The following SUCLG2 variants were observed in gnomAD, a reference collection of about 807,000 sequenced individuals.
SUCLG2 encodes the protein succinate-CoA ligase GDP-forming subunit beta.
Under a neutral mutation model 47.9 loss-of-function variants are expected in SUCLG2, and 42 were observed. The observed-to-expected ratio is 0.88, with a 90% CI of 0.69 to 1.14. The LOEUF is 1.14. Among genes scored for constraint, SUCLG2 ranks in the 50% most tolerant of loss-of-function variants. The pLI is 0.00. For synonymous variants in SUCLG2, 195 were observed against 197.3 expected, an observed-to-expected ratio of 0.99 and a Z score of 0.10; for missense variants, 571 against 525.9, an observed-to-expected ratio of 1.09 and a Z score of -0.84.
intron 2 of SUCLG2, among the ~76,000 whole-genome samples, chr3:67,532,285 G>A (rs1706424468): frequency 1.3e-5 from 2 of 152,108 alleles, no homozygotes; most frequent in Admixed American, 6.6e-5. Context: ...ACAGGCACAT[G>A]CCACCATGCC....
chr3:67,431,414 TA>T (rs796213542), intron 9 of SUCLG2, among the ~76,000 whole-genome samples: 2 of 152,286 alleles, frequency 1.3e-5, no homozygotes, highest in African/African-American at 4.8e-5. Flanking sequence ...CCCTTCATGC[TA>T]AAAACTCTCA....
chr3:67,643,256 C>G (rs930209219), intron 1 of SUCLG2, among the ~76,000 whole-genome samples: 1 of 152,214 alleles, frequency 6.6e-6, no homozygotes, highest in Non-Finnish European at 1.5e-5. Flanking sequence ...ACTACAACGA[C>G]TACGACCGCC....
At chr3:67,469,856 A>G (rs1575717719) in intron 9 of SUCLG2, among the ~76,000 whole-genome samples, 3 of 149,126 alleles carry the variant, frequency 2.0e-5, no homozygotes, top group East Asian at 2.0e-4. Context: ...GACCAGCCTG[A>G]CCAACATGGT....
chr3:67,442,256 C>A (rs933783842), intron 9 of SUCLG2, among the ~76,000 whole-genome samples: 1 of 152,062 alleles, frequency 6.6e-6, no homozygotes, highest in Admixed American at 6.5e-5. Context: ...GTGATCCGCC[C>A]GCCTCGGCCT....
intron 9 of SUCLG2, among the ~76,000 whole-genome samples, chr3:67,453,933 G>A (rs1704118517): frequency 6.6e-6 from 1 of 152,342 alleles, no homozygotes; most frequent in African/African-American, 2.4e-5. Flanking sequence ...CCCCAAGGTT[G>A]TCGTTGTCGT....
intron 1 of SUCLG2, among the ~76,000 whole-genome samples, chr3:67,634,850 G>C (rs942400094): frequency 1.3e-5 from 2 of 152,156 alleles, no homozygotes; most frequent in Non-Finnish European, 2.9e-5. Context: ...CCACATGTTT[G>C]AGAATGTGCA....
chr3:67,367,052 A>G (rs1407397597), intron 10 of SUCLG2, among the ~76,000 whole-genome samples: 1 of 152,226 alleles, frequency 6.6e-6, no homozygotes, highest in Non-Finnish European at 1.5e-5. Context: ...CATATTATAG[A>G]AAAAATTAAG....
chr3:67,538,098 G>T (rs1706596674), intron 2 of SUCLG2, among the ~76,000 whole-genome samples: 1 of 152,028 alleles, frequency 6.6e-6, no homozygotes, highest in South Asian at 2.1e-4. Flanking sequence ...TTCAATTTTG[G>T]CTTTTGTTGC....
At chr3:67,487,497 T>TACACACAC (rs780375893) in intron 9 of SUCLG2, among the ~76,000 whole-genome samples, 2,782 of 55,026 alleles carry the variant, frequency 0.051, 37 homozygotes, top group Middle Eastern at 0.073. Flanking sequence ...CAAACACACA[T>TACACACAC]ATACACACAC....
In SUCLG2 at chr3:67,383,361, C is replaced by T. The variant is rs571338260; in HGVS notation, c.1184-7502G>A. Among the ~76,000 whole-genome samples the T allele has an allele frequency of 1.5e-3, 236 of 152,266 alleles. 1 individual carries two copies. The highest frequency in any genetic ancestry group is 4.5e-3 in the Admixed American group (69 of 15,294). On this transcript the variant is annotated intron_variant, in intron 10 of 10. Transcript: ENST00000307227. ...GTTCTGTTCCCAAGTAGCTGAACAA[C>T]CTGGGGAAGTTACTGCAGCTTTGAG... is the stretch of plus-strand genomic sequence containing the variant.
At chr3:67,569,178 G>A (rs185944000) in intron 2 of SUCLG2, among the ~76,000 whole-genome samples, 2 of 152,162 alleles carry the variant, frequency 1.3e-5, no homozygotes, top group East Asian at 3.9e-4. Flanking sequence ...CAAGATACAT[G>A]GCCAACAAAA....
chr3:67,524,062 A>C (rs1382548167), intron 4 of SUCLG2, among the ~76,000 whole-genome samples: 6 of 152,222 alleles, frequency 3.9e-5, no homozygotes, highest in African/African-American at 1.4e-4. Flanking sequence ...GAGATAATTC[A>C]AGAAATTTTA....
chr3:67,534,598 T>C (rs768263495), intron 2 of SUCLG2, among the ~76,000 whole-genome samples: 11 of 151,654 alleles, frequency 7.3e-5, no homozygotes, highest in Admixed American at 5.3e-4. Flanking sequence ...AAAAATTATC[T>C]CTAGAAAAAC....
At chr3:67,411,238 A>G (rs1490290197) in intron 9 of SUCLG2, among the ~76,000 whole-genome samples, 1 of 152,108 alleles carries the variant, frequency 6.6e-6, no homozygotes, top group Non-Finnish European at 1.5e-5. Context: ...AGAAAAAAAA[A>G]TAGCTAAGCA....
intron 9 of SUCLG2, among the ~76,000 whole-genome samples, chr3:67,432,726 C>T (rs1317446452): frequency 2.6e-5 from 4 of 152,200 alleles, no homozygotes; most frequent in Non-Finnish European, 5.9e-5. Context: ...TCCCATTTTA[C>T]CTTTCTGTCT....
intron 2 of SUCLG2, among the ~76,000 whole-genome samples, chr3:67,597,974 C>G (rs1708332687): frequency 6.6e-6 from 1 of 151,774 alleles, no homozygotes; most frequent in Non-Finnish European, 1.5e-5. Flanking sequence ...ACAAAAAACT[C>G]TCATTTCCTT....
intron 9 of SUCLG2, among the ~76,000 whole-genome samples, chr3:67,417,342 C>T (rs13094834): frequency 0.034 from 5,147 of 152,276 alleles, 112 homozygotes; most frequent in African/African-American, 0.058. Flanking sequence ...CTAGACAAGG[C>T]CAAGGGTTTT....
intron 2 of SUCLG2, among the ~76,000 whole-genome samples, chr3:67,547,924 T>C (rs1706910914): frequency 6.6e-6 from 1 of 152,106 alleles, no homozygotes; most frequent in Admixed American, 6.5e-5. Flanking sequence ...AGTATGAAAG[T>C]TTCTACCGAA....
intron 6 of SUCLG2, among the ~76,000 whole-genome samples, chr3:67,517,213 C>CAT (rs1391117322): frequency 6.6e-6 from 1 of 152,124 alleles, no homozygotes; most frequent in African/African-American, 2.4e-5. Flanking sequence ...TTCATTTAAG[C>CAT]ATATATATTT....
Sources: allele counts gnomAD v4.1 joint callset (sites outside exome capture counted in the v4.1 genomes callset), GRCh38; gene constraint gnomAD v4.1.1; transcripts MANE v1.5; gene names NCBI Gene and HGNC (gene_info 2026-07-23, HGNC 2026-07-21).